The following LRBA variants were observed in gnomAD, a reference collection of about 807,000 sequenced individuals.
LRBA encodes the protein lipopolysaccharide-responsive and beige-like anchor protein.
In LRBA, 176 loss-of-function variants were observed where a neutral mutation model predicts 330.0. That is an observed-to-expected ratio of 0.53 (90% CI 0.47 to 0.60). LRBA has a LOEUF of 0.60. LRBA is among the 20% of genes least tolerant of loss of function. The probability of loss-of-function intolerance (pLI) is 0.00; values close to 1 mark genes in which losing one functional copy is unlikely to be tolerated. For missense variants in LRBA, 3,259 were observed against 3,444.8 expected, an observed-to-expected ratio of 0.95 and a Z score of 1.35; for synonymous variants, 1,230 against 1,193.0, an observed-to-expected ratio of 1.03 and a Z score of -0.64.
In LRBA at chr4:150,325,717, T is replaced by C. The variant is rs942566999; in HGVS notation, c.7452+92A>G. 4 of 870,588 alleles carry C rather than the reference T, an allele frequency of 4.6e-6. No homozygotes were observed. The African/African-American group carries it at 5.0e-5, about 11-fold the overall frequency. The allele number at this position is 870,588 out of a possible 1,614,324, so 53.9% of individuals were successfully genotyped here. ...CATAAAAAAACAAACCCACATATGG[T>C]GGAGAAACTCAAGCACAATGAAAGA... On this transcript the variant is annotated intron_variant, in intron 49 of 56. Coordinates refer to ENST00000651943, the MANE Select transcript of LRBA (RefSeq NM_001364905.1).
intron 2 of LRBA, among the ~76,000 whole-genome samples, chr4:151,003,013 C>CA (rs973104485): frequency 4.1e-5 from 6 of 144,722 alleles, no homozygotes; most frequent in East Asian, 2.0e-4. Flanking sequence ...GACCTTGTCT[C>CA]AAAAAAAAAT....
At chr4:150,301,906 TTAAA>T (rs1262982761) in intron 53 of LRBA, among the ~76,000 whole-genome samples, 4 of 152,222 alleles carry the variant, frequency 2.6e-5, no homozygotes, top group Non-Finnish European at 4.4e-5. Context: ...ATCATTTTAA[TTAAA>T]TTCTCATTTT....
chr4:150,410,231 T>C (rs992325156), intron 47 of LRBA, among the ~76,000 whole-genome samples: 1 of 152,052 alleles, frequency 6.6e-6, no homozygotes, highest in African/African-American at 2.4e-5. Context: ...GAGAAAAAAA[T>C]TATACAAGAT....
At chr4:150,807,530 TC>T (rs1742979345) in intron 32 of LRBA, among the ~76,000 whole-genome samples, 1 of 152,202 alleles carries the variant, frequency 6.6e-6, no homozygotes, top group African/African-American at 2.4e-5. Context: ...GAAATTAAAC[TC>T]TGAAACCCAA....
chr4:150,607,226 A>G (rs1180028668), intron 37 of LRBA, among the ~76,000 whole-genome samples: 4 of 152,168 alleles, frequency 2.6e-5, no homozygotes. Flanking sequence ...AGACAGCATC[A>G]GGCTTTCACA....
intron 36 of LRBA, among the ~76,000 whole-genome samples, chr4:150,697,035 A>T (rs1033109318): frequency 6.7e-6 from 1 of 148,312 alleles, no homozygotes; most frequent in South Asian, 2.1e-4. Flanking sequence ...AGAAAAAAGA[A>T]AAAAAAAAAG....
At chr4:150,789,752 A>G (rs10857251) in intron 34 of LRBA, among the ~76,000 whole-genome samples, 132,923 of 152,164 alleles carry the variant, frequency 0.87, 58,619 homozygotes, top group Non-Finnish European at 0.95. Context: ...TAGCCTCTCT[A>G]TAATTCCTTA....
At chr4:150,413,673 A>T (rs912341667) in intron 47 of LRBA, among the ~76,000 whole-genome samples, 3 of 152,206 alleles carry the variant, frequency 2.0e-5, no homozygotes, top group African/African-American at 7.2e-5. Flanking sequence ...TGTACTCGTG[A>T]GTGTTCTAAA....
At chr4:150,917,968 T>C (rs1158470487) in intron 5 of LRBA, among the ~76,000 whole-genome samples, 1 of 152,000 alleles carries the variant, frequency 6.6e-6, no homozygotes, top group Non-Finnish European at 1.5e-5. Flanking sequence ...AGAAGACTCA[T>C]ACTACCATTT....
chr4:150,865,592 T>C (rs1752571700), intron 22 of LRBA, among the ~76,000 whole-genome samples: 1 of 152,204 alleles, frequency 6.6e-6, no homozygotes, highest in Non-Finnish European at 1.5e-5. Flanking sequence ...TAAACCCTTG[T>C]AGAAGCATAC....
At position 150,264,472 on chromosome 4, in the gene LRBA, A is replaced by AATGATTG. The variant is rs1553983677; in HGVS notation, c.*1249_*1250insCAATCAT. ...TTTCTTTGTGAATCATTATTTTATT[A>AATGATTG]ATGATGTTTAAAATTTAGGAGCAAA... On this transcript the variant is annotated 3_prime_UTR_variant, in exon 57 of 57. Coordinates refer to ENST00000651943, the MANE Select transcript of LRBA (RefSeq NM_001364905.1). 7.9e-5 allele frequency: 12 copies of AATGATTG among 151,824 alleles called. No homozygotes were observed. The highest frequency in any genetic ancestry group is 1.5e-4 in the Non-Finnish European group (10 of 67,894). The allele number at this position is 151,824 out of a possible 1,614,324, so 9.4% of individuals were successfully genotyped here. A position where few individuals can be genotyped will look rare whatever the true frequency, so the allele number is the denominator to read the frequency against.
intron 47 of LRBA, among the ~76,000 whole-genome samples, chr4:150,353,141 T>C (rs1737392967): frequency 6.6e-6 from 1 of 152,074 alleles, no homozygotes; most frequent in South Asian, 2.1e-4. Flanking sequence ...TCTACTATAA[T>C]AGATTAGCAT....
intron 29 of LRBA, among the ~76,000 whole-genome samples, chr4:150,831,106 A>T (rs1747116961): frequency 6.6e-6 from 1 of 151,982 alleles, no homozygotes; most frequent in African/African-American, 2.4e-5. Flanking sequence ...TCCTGTACTC[A>T]AGACCCTCCA....
At chr4:150,535,262 TAGCC>T (rs1446342334) in intron 40 of LRBA, among the ~76,000 whole-genome samples, 1 of 152,102 alleles carries the variant, frequency 6.6e-6, no homozygotes, top group Non-Finnish European at 1.5e-5. Context: ...GACTCCTAAG[TAGCC>T]AGAACTACAG....
chr4:150,445,136 A>G (rs1268529366), intron 44 of LRBA, among the ~76,000 whole-genome samples: 1 of 152,026 alleles, frequency 6.6e-6, no homozygotes, highest in Non-Finnish European at 1.5e-5. Flanking sequence ...CACTTAAAAA[A>G]CCAGTTAAGG....
chr4:151,007,788 C>T (rs1172868256), intron 2 of LRBA, among the ~76,000 whole-genome samples: 8 of 147,784 alleles, frequency 5.4e-5, no homozygotes, highest in Non-Finnish European at 1.0e-4. Context: ...ACCAAAGAGG[C>T]GGAGCTTGCA....
chr4:150,486,612 T>C (rs1220229712), intron 42 of LRBA, among the ~76,000 whole-genome samples: 1 of 151,912 alleles, frequency 6.6e-6, no homozygotes, highest in Non-Finnish European at 1.5e-5. Flanking sequence ...AAATAGCTAA[T>C]TTGAGCAAAT....
intron 41 of LRBA, among the ~76,000 whole-genome samples, chr4:150,490,286 C>T (rs1311214698): frequency 6.6e-6 from 1 of 151,696 alleles, no homozygotes; most frequent in Non-Finnish European, 1.5e-5. Context: ...GGAATATGTA[C>T]AATAAATCAG....
Position 150,282,528 on chromosome 4 carries a change from G to A in LRBA, c.8238C>T (p.Phe2746=). 1 of 1,614,036 alleles carries A rather than the reference G, an allele frequency of 6.2e-7. No individual in the cohort carries two copies. Among genetic ancestry groups the A allele is most frequent in the Non-Finnish European group, 8.5e-7 (1 of 1,179,916 alleles). Residue 2746 remains phenylalanine (F), a synonymous_variant, in exon 55 of 57, where the codon TTC becomes TTT. Coordinates refer to ENST00000651943, the MANE Select transcript of LRBA (RefSeq NM_001364905.1). The stretch of plus-strand genomic sequence containing the variant: ...ATGTACAGAAGAGGCCGTTTTCATA[G>A]AATATGACACAATGACCCTCTCTTG... ...QASREGHCVI[F]YENGLFCTFS... is the part of the protein sequence containing the mutation.
Sources: gnomAD v4.1 joint callset for allele counts (sites outside exome capture counted in the v4.1 genomes callset) on GRCh38, gnomAD v4.1.1 for gene constraint, MANE v1.5 for transcripts, NCBI Gene and HGNC (gene_info 2026-07-23, HGNC 2026-07-21) for gene names.